FGL1: variants seen among roughly 807,000 people sequenced by gnomAD.
The protein encoded by FGL1 is fibrinogen like 1.
Under a neutral mutation model 43.7 loss-of-function variants are expected in FGL1, and 59 were observed. The observed-to-expected ratio is 1.35, with a 90% CI of 1.10 to 1.68. FGL1 has a LOEUF of 1.68. FGL1 is among the 40% of genes most tolerant of loss of function. FGL1 has a pLI of 0.00. For missense variants in FGL1, 596 were observed against 373.0 expected (o/e 1.60, Z -4.92); for synonymous variants, 192 against 126.5 (o/e 1.52, Z -3.48).
intron 1 of FGL1, among the ~76,000 whole-genome samples, chr8:17,893,277 A>G (rs1027819896): frequency 2.0e-5 from 3 of 152,130 alleles, no homozygotes; most frequent in Non-Finnish European, 4.4e-5. Context: ...CCAATGTTTG[A>G]TTCTGGCTCT....
intron 5 of FGL1, 119 bp downstream of exon 5, chr8:17,873,900 G>A (rs2653407): frequency 0.77 from 444,683 of 577,600 alleles, 172,999 homozygotes; most frequent in African/African-American, 0.85. Flanking sequence ...AGTTATCACT[G>A]CCATCTGCAA....
chr8:17,874,612 C>A lies in FGL1; in HGVS notation c.245-91G>T, dbSNP rs1483097812. 5.5e-6 allele frequency: 5 copies of A among 909,226 alleles called. No homozygotes were observed. The East Asian group carries it at 1.3e-4, about 23-fold the overall frequency. 56.3% of individuals were successfully genotyped at this position (909,226 alleles called of 1,614,324 possible). ...CTCTGAATGAGACTACTCAGTATCA[C>A]TGGAGACAGATAACACATGGTATAG... On this transcript the variant is annotated intron_variant, in intron 3 of 7. Transcript: ENST00000427924.
At chr8:17,892,695 C>G (rs903060454) in intron 1 of FGL1, among the ~76,000 whole-genome samples, 3 of 152,098 alleles carry the variant, frequency 2.0e-5, no homozygotes, top group African/African-American at 7.2e-5. Context: ...ATAATGTCCT[C>G]TTTTTTTATG....
At chr8:17,887,302 C>G (rs1483880134) in intron 1 of FGL1, among the ~76,000 whole-genome samples, 2 of 152,166 alleles carry the variant, frequency 1.3e-5, no homozygotes, top group Admixed American at 6.5e-5. Context: ...TGATCGCTCT[C>G]CAAAGAATCC....
At position 17,874,031 on chromosome 8, in the gene FGL1, A is replaced by T; in HGVS notation, c.490T>A (p.Leu164Met). Residue 164 changes from leucine to methionine, a missense_variant, in exon 5 of 8, where the codon TTG becomes ATG. By Grantham distance (15) the Leu-to-Met change is conservative. Transcript: ENST00000427924. ...YWLGNKNLHF[L>M]TTQEDYTLKI... ...ATTCAAACCTTACCTTGAGTGGTCA[A>T]GAAGTGAAGATTTTTATTGCCCAGC... 1 of 1,609,412 alleles carries T rather than the reference A, an allele frequency of 6.2e-7. No homozygotes were observed.
At chr8:17,884,999 T>A (rs1404221559) in intron 2 of FGL1, among the ~76,000 whole-genome samples, 1 of 152,056 alleles carries the variant, frequency 6.6e-6, no homozygotes, top group African/African-American at 2.4e-5. Flanking sequence ...TTTTTAAAAA[T>A]TACTTATTTA....
intron 2 of FGL1, among the ~76,000 whole-genome samples, chr8:17,883,451 T>C (rs1326890958): frequency 1.6e-5 from 2 of 122,978 alleles, no homozygotes; most frequent in Admixed American, 9.6e-5. Context: ...TATAAATGAA[T>C]AGATATTATA....
At chr8:17,892,422 G>A (rs1189858589) in intron 1 of FGL1, among the ~76,000 whole-genome samples, 2 of 152,034 alleles carry the variant, frequency 1.3e-5, no homozygotes, top group Non-Finnish European at 2.9e-5. Context: ...AATATAATTA[G>A]AGGAAGTGAC....
intron 6 of FGL1, 52 bp downstream of exon 6, chr8:17,868,864 T>TG (rs1447935775): frequency 6.8e-7 from 1 of 1,481,214 alleles, no homozygotes; most frequent in Non-Finnish European, 9.3e-7. Flanking sequence ...AGGGTTATAT[T>TG]GCACATTTTA....
chr8:17,874,101 A>T lies in FGL1; in HGVS notation c.420T>A (p.Tyr140Ter). ...GGACAAAATTTCCAAAGCCATTTTC[A>T]TAGTCTTTCCATCCTCTAAAAAAGG... ...SENFNRGWKD[Y>*]ENGFGNFVQK... Residue 140 changes from tyrosine (Y) to a stop codon, truncating the protein, a stop_gained, in exon 5 of 8, where the codon TAT becomes TAA. Coordinates refer to ENST00000427924, the MANE Select transcript of FGL1 (RefSeq NM_004467.4). LOFTEE classifies it high-confidence loss of function. 1 of 1,611,214 alleles carries T rather than the reference A, an allele frequency of 6.2e-7. No homozygotes were observed. The highest frequency in any genetic ancestry group is 8.5e-7 in the Non-Finnish European group (1 of 1,179,316).
At chr8:17,895,344 A>G in intron 1 of FGL1, 103 bp downstream of exon 1, 1 of 1,174,992 alleles carries the variant, frequency 8.5e-7, no homozygotes. Context: ...ACTTCTTGCA[A>G]AAGCTAATGG....
chr8:17,872,673 G>C (rs937790701), intron 5 of FGL1, among the ~76,000 whole-genome samples: 13 of 152,108 alleles, frequency 8.5e-5, no homozygotes, highest in Non-Finnish European at 1.5e-4. Flanking sequence ...TTTTATGAAG[G>C]ATTCAGGATC....
intron 5 of FGL1, among the ~76,000 whole-genome samples, chr8:17,872,698 C>A (rs2053382423): frequency 6.6e-6 from 1 of 152,170 alleles, no homozygotes; most frequent in South Asian, 2.1e-4. Flanking sequence ...TTGAGTGGGA[C>A]TGATGATAAT....
chr8:17,890,938 A>C (rs1190150786), intron 1 of FGL1, among the ~76,000 whole-genome samples: 1 of 152,168 alleles, frequency 6.6e-6, no homozygotes, highest in African/African-American at 2.4e-5. Flanking sequence ...TACGAGAACT[A>C]CAATTCAAGA....
At chr8:17,866,597 C>A (rs1052628895) in intron 7 of FGL1, among the ~76,000 whole-genome samples, 4 of 152,172 alleles carry the variant, frequency 2.6e-5, no homozygotes, top group African/African-American at 9.7e-5. Context: ...ATAATGTGGG[C>A]TCTGTGGCAG....
At chr8:17,881,064 GCAA>G (rs1462983075) in intron 3 of FGL1, among the ~76,000 whole-genome samples, 2 of 151,644 alleles carry the variant, frequency 1.3e-5, no homozygotes, top group Non-Finnish European at 2.9e-5. Flanking sequence ...CTGCATACAT[GCAA>G]CAAGGAAAGA....
chr8:17,880,510 G>A (rs1343707425), intron 3 of FGL1, among the ~76,000 whole-genome samples: 1 of 152,090 alleles, frequency 6.6e-6, no homozygotes, highest in Non-Finnish European at 1.5e-5. Context: ...ATTTATATTT[G>A]CTTATCTTGC....
Position 17,864,715 on chromosome 8 carries a change from G to T in FGL1, c.816C>A (p.Ser272Arg), listed in dbSNP as rs771078136. 2 of 1,610,504 alleles carry T rather than the reference G, an allele frequency of 1.2e-6. No individual in the cohort carries two copies. The highest frequency in any genetic ancestry group is 1.1e-5 in the South Asian group (1 of 90,408). Residue 272 changes from serine to arginine, a missense_variant, in exon 8 of 8, where the codon AGC becomes AGA. Coordinates refer to ENST00000427924, the MANE Select transcript of FGL1 (RefSeq NM_004467.4). ...TGTCTGTTTTAGCCGTGTAGGGGCC[G>T]CTGTAGTATACACCATTCAGGTTTG... ...HSANLNGVYY[S>R]GPYTAKTDNG...
chr8:17,870,545 C>A (rs2653411), intron 5 of FGL1, among the ~76,000 whole-genome samples: 1 of 152,036 alleles, frequency 6.6e-6, no homozygotes. Context: ...CTGAATAGTC[C>A]TATCACCTAG....
Sources: gnomAD v4.1 joint callset for allele counts (sites outside exome capture counted in the v4.1 genomes callset) on GRCh38, gnomAD v4.1.1 for gene constraint, MANE v1.5 for transcripts, NCBI Gene and HGNC (gene_info 2026-07-23, HGNC 2026-07-21) for gene names.